SH3TC1: variants seen among roughly 807,000 people sequenced by gnomAD.
SH3TC1 encodes SH3 domain and tetratricopeptide repeats 1, also known as SH3 domain and tetratricopeptide repeat-containing protein 1.
Under a neutral mutation model 117.3 loss-of-function variants are expected in SH3TC1, and 135 were observed. The ratio of observed to expected loss-of-function variants is 1.15; its 90% CI spans 1.00 to 1.33. The LOEUF is 1.33. SH3TC1 is among the 40% of genes most tolerant of loss of function. The probability of loss-of-function intolerance (pLI) is 0.00; values close to 1 mark genes in which losing one functional copy is unlikely to be tolerated. For synonymous variants in SH3TC1, 898 were observed against 816.9 expected, an observed-to-expected ratio of 1.10 and a Z score of -1.69; for missense variants, 2,092 against 1,794.3, an observed-to-expected ratio of 1.17 and a Z score of -3.00.
At position 8,222,852 on chromosome 4, in the gene SH3TC1, G is replaced by A. The variant is rs78023821; in HGVS notation, c.1125G>A (p.Ala375=). Residue 375 remains alanine (A), a synonymous_variant, in exon 10 of 18, where the codon GCG becomes GCA. Transcript: ENST00000245105. ...TTATTTTTTCCAGGTTGGAAAGTGC[G>A]ATTTTTCTCAATGAGGAAGAAAAGT... ...MQGPVSELES[A]IFLNEEEKSF... 1.9e-5 allele frequency: 30 copies of A among 1,611,308 alleles called. No individual in the cohort carries two copies. Among genetic ancestry groups the A allele is most frequent in the East Asian group, 6.7e-5 (3 of 44,804 alleles).
At chr4:8,220,343 C>A (rs1201088864) in intron 9 of SH3TC1, among the ~76,000 whole-genome samples, 1 of 152,056 alleles carries the variant, frequency 6.6e-6, no homozygotes, top group South Asian at 2.1e-4. Context: ...TCTCCCTGAA[C>A]CCCGTGTTCT....
chr4:8,229,406 A>G (rs1466116718), intron 12 of SH3TC1: 2 of 123,980 alleles, frequency 1.6e-5, no homozygotes, highest in African/African-American at 6.0e-5. Flanking sequence ...GGGGTGAGCG[A>G]GTAGGGGTGA....
At chr4:8,191,867 G>A (rs1314738660) in intron 1 of SH3TC1, among the ~76,000 whole-genome samples, 2 of 152,168 alleles carry the variant, frequency 1.3e-5, no homozygotes, top group African/African-American at 2.4e-5. Context: ...AGGAGGAATC[G>A]GAGGCCGGGA....
At position 8,228,047 on chromosome 4, in the gene SH3TC1, C is replaced by CGGCCCCCT. The variant is rs1720715340; in HGVS notation, c.2354_2355insGCCCCCTG (p.Gly786ProfsTer27). The CGGCCCCCT allele has an allele frequency of 3.7e-6, 6 of 1,605,968 alleles. No homozygotes were observed. The highest frequency in any genetic ancestry group is 5.1e-6 in the Non-Finnish European group (6 of 1,175,522). On this transcript the variant is annotated frameshift_variant, in exon 12 of 18. Coordinates refer to ENST00000245105, the MANE Select transcript of SH3TC1 (RefSeq NM_018986.5). LOFTEE classifies it high-confidence loss of function. ...GACCCCGGGCACAGGCCAGGCGCTG[C>CGGCCCCCT]GCGGCCCCCTCTACACCAGCTTGGC...
At chr4:8,189,410 C>A (rs999544726) in intron 1 of SH3TC1, among the ~76,000 whole-genome samples, 2 of 152,158 alleles carry the variant, frequency 1.3e-5, no homozygotes, top group African/African-American at 4.8e-5. Flanking sequence ...GGCCGGCGGC[C>A]GGGGTAGGCC....
intron 16 of SH3TC1, chr4:8,237,161 G>A (rs1019835645): frequency 9.1e-6 from 3 of 328,172 alleles, no homozygotes; most frequent in African/African-American, 2.1e-5. Context: ...TGGAGCCCTG[G>A]TGCCCAGGAG....
At chr4:8,217,324 G>C (rs865969379) in intron 7 of SH3TC1, among the ~76,000 whole-genome samples, 157 bp downstream of exon 7, 3 of 152,184 alleles carry the variant, frequency 2.0e-5, no homozygotes, top group African/African-American at 7.2e-5. Context: ...GTGTGGCCTC[G>C]GCAATTTGGC....
intron 1 of SH3TC1, among the ~76,000 whole-genome samples, chr4:8,204,218 C>A (rs148602516): frequency 1.3e-3 from 199 of 152,306 alleles, no homozygotes; most frequent in African/African-American, 4.5e-3. Flanking sequence ...GACGAGTCCA[C>A]GCACCGGAAA....
At chr4:8,223,234 C>T (rs539647519) in intron 10 of SH3TC1, among the ~76,000 whole-genome samples, 155 of 152,384 alleles carry the variant, frequency 1.0e-3, no homozygotes, top group Non-Finnish European at 1.7e-3. Context: ...TGACCCCAGG[C>T]ACCTGCCTGA....
At chr4:8,229,665 CT>C (rs1720944554) in intron 12 of SH3TC1, among the ~76,000 whole-genome samples, 1 of 151,694 alleles carries the variant, frequency 6.6e-6, no homozygotes, top group African/African-American at 2.4e-5. Context: ...GTGGCTTGGC[CT>C]TTTCCCTAAG....
chr4:8,185,859 G>A (rs1036651023), intron 1 of SH3TC1, among the ~76,000 whole-genome samples: 1 of 152,186 alleles, frequency 6.6e-6, no homozygotes, highest in South Asian at 2.1e-4. Flanking sequence ...GCACAGTCGT[G>A]GTTTTATGAG....
chr4:8,199,198 G>C (rs1265136641), upstream of SH3TC1: 1 of 152,294 alleles, frequency 6.6e-6, no homozygotes, highest in African/African-American at 2.4e-5. Context: ...CTCCGTCACC[G>C]GCCCTCAGGC....
chr4:8,191,953 A>G (rs1298402861), intron 1 of SH3TC1, among the ~76,000 whole-genome samples: 1 of 148,324 alleles, frequency 6.7e-6, no homozygotes, highest in Non-Finnish European at 1.5e-5. Flanking sequence ...CTGATCTCTG[A>G]GTTACATTTA....
chr4:8,198,352 C>T (rs1045008793), upstream of SH3TC1, among the ~76,000 whole-genome samples: 8 of 152,152 alleles, frequency 5.3e-5, no homozygotes, highest in African/African-American at 1.9e-4. Context: ...AAGCTCCGAC[C>T]TATCACAGCA....
At position 8,233,529 on chromosome 4, in the gene SH3TC1, T is replaced by C. The variant is rs1377734314; in HGVS notation, c.3282+16T>C. 6.3e-7 allele frequency: 1 copy of C among 1,595,190 alleles called. No homozygotes were observed. Among genetic ancestry groups the C allele is most frequent in the Non-Finnish European group, 8.5e-7 (1 of 1,170,772 alleles). On this transcript the variant is annotated intron_variant, in intron 14 of 17. Transcript: ENST00000245105. ...CTACATCCAGGTGAGTGATGAGGGA[T>C]GCAGGAGGGCCTCTGCACATGTTCA...
intron 13 of SH3TC1, chr4:8,232,383 T>C: frequency 6.3e-7 from 1 of 1,584,424 alleles, no homozygotes. Flanking sequence ...CGTCTTCCCA[T>C]CCCTGCTTGC....
upstream of SH3TC1, among the ~76,000 whole-genome samples, chr4:8,195,098 C>T (rs946825778): frequency 6.6e-6 from 1 of 152,194 alleles, no homozygotes. Flanking sequence ...TCAGGAGATA[C>T]TCACCAGCAG....
Position 8,233,356 on chromosome 4 carries a change from A to T in SH3TC1, c.3132-7A>T, listed in dbSNP as rs1433620709. 6.2e-7 allele frequency: 1 copy of T among 1,601,892 alleles called. No individual in the cohort carries two copies. Among genetic ancestry groups the T allele is most frequent in the African/African-American group, 1.3e-5 (1 of 74,674 alleles). On this transcript the variant is annotated splice_region_variant and splice_polypyrimidine_tract_variant and intron_variant, in intron 13 of 17. Coordinates refer to ENST00000245105, the MANE Select transcript of SH3TC1 (RefSeq NM_018986.5). ...GCCCTTGTTCTGACACCTGTGTCTG[A>T]TACCAGGGCCTACAAATCCGCACTG... is the stretch of plus-strand genomic sequence containing the variant.
chr4:8,213,509 C>T lies in SH3TC1; in HGVS notation c.375+681C>T, dbSNP rs142442193. ...GTACCTGCTCAACACGTGGGGCTGT[C>T]GTGCATGATGTCGGGCACAGGTGAA... is the stretch of plus-strand genomic sequence containing the variant. On this transcript the variant is annotated intron_variant, in intron 4 of 17. Transcript: ENST00000245105. 2.2e-3 allele frequency among the ~76,000 whole-genome samples: 339 copies of T among 152,280 alleles called. 2 individuals are homozygous for T. Among genetic ancestry groups the T allele is most frequent in the Admixed American group, 3.7e-3 (56 of 15,298 alleles).
Sources: gnomAD v4.1 joint callset for allele counts (sites outside exome capture counted in the v4.1 genomes callset) on GRCh38, gnomAD v4.1.1 for gene constraint, MANE v1.5 for transcripts, NCBI Gene and HGNC (gene_info 2026-07-23, HGNC 2026-07-21) for gene names.